The following FCRLA variants were observed in gnomAD, a reference collection of about 807,000 sequenced individuals.
FCRLA encodes Fc receptor-like A.
Under a neutral mutation model 28.4 loss-of-function variants are expected in FCRLA, and 26 were observed. The ratio of observed to expected loss-of-function variants is 0.91; its 90% confidence interval spans 0.67 to 1.27. The LOEUF (loss-of-function observed/expected upper bound fraction) is 1.27, where lower values mean the gene tolerates loss of function less well. FCRLA is among the 50% of genes most tolerant of loss of function. FCRLA has a pLI of 0.00. For synonymous variants in FCRLA, 174 were observed against 168.5 expected (o/e 1.03, Z -0.25); for missense variants, 422 against 433.1 (o/e 0.97, Z 0.23).
At position 161,712,078 on chromosome 1, in the gene FCRLA, T is replaced by C; in HGVS notation, c.644T>C (p.Ile215Thr). The change falls in exon 4 of 5, where the codon ATA (isoleucine) becomes ACA (threonine). Residue 215 changes from isoleucine to threonine, a missense_variant. This residue lies in a region of FCRLA where 185 missense variants were observed against 198.1 expected (regional missense o/e 0.93). Transcript: ENST00000236938. ...TTCTCCTTCTACAAGGATGGAAGGA[T>C]AGTGCAAAGCAGGGGGCTCTCCTCA... ...LLFSFYKDGR[I>T]VQSRGLSSEF... 6.2e-7 allele frequency: 1 copy of C among 1,614,132 alleles called. No homozygotes were observed. The highest frequency in any genetic ancestry group is 8.5e-7 in the Non-Finnish European group (1 of 1,180,022).
At chr1:161,710,387 A>G in intron 1 of FCRLA, 2 of 1,277,096 alleles carry the variant, frequency 1.6e-6, no homozygotes, top group South Asian at 1.3e-5. Flanking sequence ...CCCAGTGAAC[A>G]TTAGAATCTG....
At chr1:161,711,604 C>A in intron 3 of FCRLA, 130 bp downstream of exon 3, 1 of 1,241,142 alleles carries the variant, frequency 8.1e-7, no homozygotes, top group African/African-American at 1.5e-5. Context: ...GGCAAATGCC[C>A]AAGTTGGGCT....
In FCRLA at chr1:161,710,853, C is replaced by A; in HGVS notation, c.173C>A (p.Ala58Asp). The A allele has an allele frequency of 2.5e-6, 4 of 1,613,968 alleles. No individual in the cohort carries two copies. The South Asian group carries it at 4.4e-5, about 18-fold the overall frequency. Residue 58 changes from alanine (A) to aspartate (D), a missense_variant, in exon 2 of 5, where the codon GCT (alanine) becomes GAT (aspartate). Ala to Asp is a moderately radical substitution (Grantham distance 126, BLOSUM62 -2). Coordinates refer to ENST00000236938, the MANE Select transcript of FCRLA (RefSeq NM_032738.4). ...GATGACTTGACTGATGCAAGGGAAG[C>A]TGGCTTCCAGGTCAAGGCCTACACT... ...TEDDLTDAREAGFQVKAYTFS... is the reference protein window; with the variant it reads ...TEDDLTDAREDGFQVKAYTFS...
At position 161,710,893 on chromosome 1, in the gene FCRLA, C is replaced by T. The variant is rs2101656864; in HGVS notation, c.213C>T (p.Phe71=). 6.2e-7 allele frequency: 1 copy of T among 1,613,232 alleles called. No homozygotes were observed. Among genetic ancestry groups the T allele is most frequent in the South Asian group, 1.1e-5 (1 of 91,036 alleles). The part of the protein sequence containing the change: ...QVKAYTFSEP[F]HLIVSYDWLI... ...AGGCCTACACTTTCAGTGAACCCTT[C>T]CACCTGATTGTGTCCTATGGTGAGG... The change falls in exon 2 of 5, where the codon TTC becomes TTT. Residue 71 remains phenylalanine, a synonymous_variant. Coordinates refer to ENST00000236938, the MANE Select transcript of FCRLA (RefSeq NM_032738.4).
chr1:161,710,361 C>G, intron 1 of FCRLA: 1 of 941,920 alleles, frequency 1.1e-6, no homozygotes, highest in Non-Finnish European at 1.7e-6. Context: ...CACACAAGTG[C>G]TAGCAGGGTC....
At chr1:161,710,725 A>G (rs1229576959) in intron 1 of FCRLA, 35 bp from the exon 2 acceptor site, 2 of 1,613,786 alleles carry the variant, frequency 1.2e-6, no homozygotes, top group Non-Finnish European at 8.5e-7. Flanking sequence ...TTGCATCATC[A>G]TTTTCTGGTT....
At chr1:161,709,808 A>G (rs1683007514) in intron 1 of FCRLA, among the ~76,000 whole-genome samples, 1 of 152,182 alleles carries the variant, frequency 6.6e-6, no homozygotes, top group Admixed American at 6.5e-5. Context: ...TAGGTCTACC[A>G]TGAAGGTAAG....
At chr1:161,710,736 C>T in intron 1 of FCRLA, 24 bp from the exon 2 acceptor site, 2 of 1,614,048 alleles carry the variant, frequency 1.2e-6, no homozygotes, top group Non-Finnish European at 1.7e-6. Flanking sequence ...TTTTCTGGTT[C>T]TCCCTGGGCC....
At chr1:161,712,982 C>A in intron 4 of FCRLA, 103 bp from the exon 5 acceptor site, 1 of 1,344,496 alleles carries the variant, frequency 7.4e-7, no homozygotes, top group Non-Finnish European at 1.0e-6. Context: ...TGCCATTGGG[C>A]CCCACAGCCA....
intron 3 of FCRLA, 82 bp downstream of exon 3, chr1:161,711,556 G>T: frequency 6.6e-7 from 1 of 1,506,320 alleles, no homozygotes; most frequent in East Asian, 2.3e-5. Context: ...TTAGCCTGGA[G>T]GTAGCAAGAT....
chr1:161,712,427 A>G (rs1683151084), intron 4 of FCRLA, among the ~76,000 whole-genome samples: 1 of 152,218 alleles, frequency 6.6e-6, no homozygotes, highest in Non-Finnish European at 1.5e-5. Flanking sequence ...ACACCTCACC[A>G]GACCAAGAGC....
At chr1:161,712,932 A>G (rs1242719207) in intron 4 of FCRLA, among the ~76,000 whole-genome samples, 153 bp from the exon 5 acceptor site, 1 of 152,212 alleles carries the variant, frequency 6.6e-6, no homozygotes, top group African/African-American at 2.4e-5. Flanking sequence ...TCAGATTAAA[A>G]TTTGGACCAG....
intron 1 of FCRLA, 123 bp from the exon 2 acceptor site, chr1:161,710,636 GT>G (rs1230425461): frequency 6.9e-7 from 1 of 1,445,722 alleles, no homozygotes; most frequent in Non-Finnish European, 9.6e-7. Context: ...AAAAAAAAAG[GT>G]TTTGATGTCT....
chr1:161,710,211 T>G (rs1362066764), intron 1 of FCRLA: 1 of 527,602 alleles, frequency 1.9e-6, no homozygotes, highest in East Asian at 3.3e-5. Context: ...CAGACACACC[T>G]GCCTTTCCCG....
At chr1:161,712,955 A>T (rs1286313780) in intron 4 of FCRLA, 130 bp from the exon 5 acceptor site, 4 of 1,002,698 alleles carry the variant, frequency 4.0e-6, no homozygotes, top group Non-Finnish European at 6.0e-6. Flanking sequence ...GGGACACTAG[A>T]GTCCTCAAGT....
rs1297685630 is a variant in FCRLA at position 161,713,426 on chromosome 1, C to T, written c.*46C>T. Reference sequence around the variant, plus strand: ...ATCTCACTTAACCACCCCAATAAATCTGATTCTTTATTTTCTCTTCCTGTC... The same window carrying T: ...ATCTCACTTAACCACCCCAATAAATTTGATTCTTTATTTTCTCTTCCTGTC... On this transcript the variant is annotated 3_prime_UTR_variant, in exon 5 of 5. Coordinates refer to ENST00000236938, the MANE Select transcript of FCRLA (RefSeq NM_032738.4). The T allele has an allele frequency of 5.4e-6, 8 of 1,474,440 alleles. No individual in the cohort carries two copies. Among genetic ancestry groups the T allele is most frequent in the Non-Finnish European group, 7.4e-6 (8 of 1,080,152 alleles). The allele number at this position is 1,474,440 out of a possible 1,614,324, so 91.3% of individuals were successfully genotyped here.
intron 3 of FCRLA, 91 bp downstream of exon 3, chr1:161,711,565 A>G: frequency 2.0e-6 from 3 of 1,474,288 alleles, no homozygotes; most frequent in Non-Finnish European, 2.7e-6. Flanking sequence ...AGGTAGCAAG[A>G]TCATCAACAG....
Position 161,713,338 on chromosome 1 carries a change from T to C in FCRLA, c.1038T>C (p.Ser346=), listed in dbSNP as rs770733521. ...GHLLMELREL[S]GHRKPGTTKA... is the part of the protein sequence containing the mutation. ...TGCTCATGGAGTTGAGGGAATTATC[T>C]GGCCACCGGAAGCCTGGGACCACAA... is the stretch of plus-strand genomic sequence containing the variant. The change falls in exon 5 of 5, where the codon TCT becomes TCC. Residue 346 remains serine, a synonymous_variant. Coordinates refer to ENST00000236938, the MANE Select transcript of FCRLA (RefSeq NM_032738.4). The C allele has an allele frequency of 4.3e-6, 7 of 1,614,072 alleles. No individual in the cohort carries two copies. In the African/African-American group the frequency reaches 8.0e-5, roughly 18 times the overall value.
Position 161,707,349 on chromosome 1 carries a change from T to A in FCRLA, c.79+6T>A. ...GGTGGCCCAGATGCTACTGGGTAAG[T>A]AAAATATTTGAATATTGGTGTGGGA... On this transcript the variant is annotated splice_donor_region_variant and intron_variant, in intron 1 of 4. Transcript: ENST00000236938. 6.3e-7 allele frequency: 1 copy of A among 1,576,894 alleles called. No individual in the cohort carries two copies. Among genetic ancestry groups the A allele is most frequent in the Non-Finnish European group, 8.6e-7 (1 of 1,165,578 alleles).
Sources: allele counts gnomAD v4.1 joint callset (sites outside exome capture counted in the v4.1 genomes callset), GRCh38; gene constraint gnomAD v4.1.1; regional missense constraint gnomAD v4.1.1; transcripts MANE v1.5; gene names NCBI Gene and HGNC (gene_info 2026-07-23, HGNC 2026-07-21).